The following NBPF8 variants were observed in gnomAD, a reference collection of about 807,000 sequenced individuals.
NBPF8 encodes NBPF member 8.
chr1:120,451,918 A>G (rs1419132326), intron 12 of NBPF8, among the ~76,000 whole-genome samples, 199 bp from the exon 11 acceptor site: 3 of 151,930 alleles, frequency 2.0e-5, no homozygotes, highest in Non-Finnish European at 4.4e-5. Context: ...AGGATCTTGC[A>G]AGAGCTCTCT....
chr1:120,466,145 T>A, exon 25 of NBPF8: 1 of 1,610,330 alleles, frequency 6.2e-7, no homozygotes, highest in East Asian at 2.2e-5. Context: ...GCCCTTGACA[T>A]GGACAATAGG....
chr1:120,464,830 A>G (rs1160910746), intron 23 of NBPF8, among the ~76,000 whole-genome samples: 1 of 139,714 alleles, frequency 7.2e-6, no homozygotes, highest in Non-Finnish European at 1.6e-5. Context: ...TCAGAGAACT[A>G]TGATTTTGAC....
intron 12 of NBPF8, among the ~76,000 whole-genome samples, chr1:120,451,788 T>G (rs1457654416): frequency 6.7e-6 from 1 of 149,002 alleles, no homozygotes; most frequent in African/African-American, 2.5e-5. Context: ...GCACTATGTG[T>G]ATTTTCACAT....
chr1:120,435,872 AT>A (rs1463811761), upstream of NBPF8, among the ~76,000 whole-genome samples: 233 of 148,746 alleles, frequency 1.6e-3, no homozygotes, highest in African/African-American at 4.2e-3. Context: ...TCTCAAAAAA[AT>A]AAAAAAGTCA....
chr1:120,456,864 G>A (rs1284417433), intron 16 of NBPF8, among the ~76,000 whole-genome samples: 1 of 151,868 alleles, frequency 6.6e-6, no homozygotes, highest in Non-Finnish European at 1.5e-5. Flanking sequence ...AGCGTCAATG[G>A]TCTTTACAGT....
At chr1:120,428,856 T>C (rs1660791988) in intron 3 of NBPF8, among the ~76,000 whole-genome samples, 1 of 151,836 alleles carries the variant, frequency 6.6e-6, no homozygotes, top group Non-Finnish European at 1.5e-5. Context: ...ATAATACAAC[T>C]GTTGGAACAA....
intron 3 of NBPF8, among the ~76,000 whole-genome samples, chr1:120,430,506 G>A (rs1660845940): frequency 1.7e-5 from 2 of 115,604 alleles, no homozygotes; most frequent in East Asian, 3.9e-4. Flanking sequence ...TGTAATCTCA[G>A]CACTTTGGGA....
At chr1:120,431,334 A>T (rs1246309377) in intron 3 of NBPF8, among the ~76,000 whole-genome samples, 2 of 93,984 alleles carry the variant, frequency 2.1e-5, no homozygotes, top group Admixed American at 2.0e-4. Context: ...ATATATATAT[A>T]TATATTTATC....
upstream of NBPF8, among the ~76,000 whole-genome samples, chr1:120,419,646 G>T (rs1660521590): frequency 6.7e-6 from 1 of 149,080 alleles, no homozygotes; most frequent in Non-Finnish European, 1.5e-5. Flanking sequence ...TTTATTTTCA[G>T]AGATGGGGTC....
At chr1:120,466,041 T>C in exon 25 of NBPF8, 1 of 1,611,992 alleles carries the variant, frequency 6.2e-7, no homozygotes, top group South Asian at 1.1e-5. Flanking sequence ...TGGATAGATG[T>C]TATTCGACTC....
At chr1:120,415,811 G>T (rs1418806715), upstream of NBPF8, among the ~76,000 whole-genome samples, 2 of 152,058 alleles carry the variant, frequency 1.3e-5, no homozygotes, top group African/African-American at 4.8e-5. Context: ...CTAATTCACC[G>T]CAGGATTTCC....
upstream of NBPF8, among the ~76,000 whole-genome samples, chr1:120,418,527 T>A (rs1485559007): frequency 6.6e-6 from 1 of 151,530 alleles, no homozygotes; most frequent in African/African-American, 2.4e-5. Flanking sequence ...GTATTCTACA[T>A]AATAGTTTTA....
chr1:120,422,252 G>T (rs1302136572), intron 1 of NBPF8, among the ~76,000 whole-genome samples: 1 of 151,648 alleles, frequency 6.6e-6, no homozygotes, highest in Non-Finnish European at 1.5e-5. Flanking sequence ...ATCAACTAAA[G>T]TCCATAGTTT....
exon 25 of NBPF8, chr1:120,466,400 G>A: frequency 2.4e-6 from 2 of 818,970 alleles, no homozygotes; most frequent in East Asian, 3.0e-5. Flanking sequence ...TGAAGACAAT[G>A]GACCCACGTT....
downstream of NBPF8, among the ~76,000 whole-genome samples, chr1:120,468,403 A>ATCT (rs1661808489): frequency 6.8e-6 from 1 of 147,074 alleles, no homozygotes; most frequent in Admixed American, 6.9e-5. Flanking sequence ...ATGTTTAATA[A>ATCT]TCTTTTCTCA....
chr1:120,431,762 A>G (rs2101573992), upstream of NBPF8, among the ~76,000 whole-genome samples: 1 of 152,032 alleles, frequency 6.6e-6, no homozygotes, highest in African/African-American at 2.4e-5. Flanking sequence ...CAGTCATTCC[A>G]TTCCTAGGAA....
Position 120,454,082 on chromosome 1 carries a change from T to C in NBPF8, n.2536T>C, listed in dbSNP as rs1226587469. On this transcript the variant is annotated non_coding_transcript_exon_variant, in exon 15 of 25. Coordinates refer to ENST00000583271, the Ensembl canonical transcript of NBPF8. ...GCTCTCATTGGCTCATCCTCTCATGTTGAATGGGAGGATGCTGTACACATT... is the reference window on the plus strand; with the variant it reads ...GCTCTCATTGGCTCATCCTCTCATGCTGAATGGGAGGATGCTGTACACATT... The C allele has an allele frequency of 2.7e-5, 44 of 1,613,188 alleles. 1 individual carries two copies. The Admixed American group carries it at 6.3e-4, about 23-fold the overall frequency.
At chr1:120,432,443 G>A (rs1660906568), upstream of NBPF8, 5 of 136,700 alleles carry the variant, frequency 3.7e-5, no homozygotes, top group South Asian at 9.6e-4. Flanking sequence ...TTGTTAGGGA[G>A]GCCTGTGTTA....
intron 1 of NBPF8, among the ~76,000 whole-genome samples, chr1:120,424,554 TC>T (rs1660658139): frequency 1.3e-5 from 2 of 152,132 alleles, no homozygotes; most frequent in South Asian, 4.1e-4. Flanking sequence ...TTCAAGTGAT[TC>T]TCCTGCCTCA....
Sources: allele counts gnomAD v4.1 joint callset (sites outside exome capture counted in the v4.1 genomes callset), GRCh38; gene constraint gnomAD v4.1.1; transcripts MANE v1.5; gene names NCBI Gene and HGNC (gene_info 2026-07-23, HGNC 2026-07-21).